The following FGGY variants were observed in gnomAD, a reference collection of about 807,000 sequenced individuals.
FGGY encodes the protein FGGY carbohydrate kinase domain containing, also known as FGGY carbohydrate kinase domain-containing protein.
Under a neutral mutation model 71.3 loss-of-function variants are expected in FGGY, and 72 were observed. That is an observed-to-expected ratio of 1.01 (90% CI 0.84 to 1.23). FGGY has a LOEUF of 1.23. FGGY is among the 50% of genes most tolerant of loss of function. The pLI is 0.00. For missense variants in FGGY, 668 were observed against 682.3 expected (o/e 0.98, Z 0.23); for synonymous variants, 251 against 250.3 (o/e 1.00, Z -0.02).
intron 7 of FGGY, among the ~76,000 whole-genome samples, chr1:59,545,630 A>G (rs1456325485): frequency 6.6e-6 from 1 of 152,078 alleles, no homozygotes; most frequent in African/African-American, 2.4e-5. Context: ...ATATTAGCCT[A>G]CCTTTGAGAT....
intron 5 of FGGY, among the ~76,000 whole-genome samples, chr1:59,455,980 G>A (rs768931634): frequency 8.5e-5 from 13 of 152,326 alleles, no homozygotes; most frequent in South Asian, 2.1e-4. Context: ...AGCATCTAGC[G>A]TTCAAGTCTT....
At chr1:59,694,946 G>T (rs1306740966) in intron 14 of FGGY, among the ~76,000 whole-genome samples, 1 of 152,146 alleles carries the variant, frequency 6.6e-6, no homozygotes, top group African/African-American at 2.4e-5. Context: ...CTTGATCGAA[G>T]AATTAGTTTT....
At chr1:59,388,170 A>T (rs2060293008) in intron 5 of FGGY, among the ~76,000 whole-genome samples, 2 of 152,022 alleles carry the variant, frequency 1.3e-5, no homozygotes, top group Non-Finnish European at 2.9e-5. Flanking sequence ...GGAAGACCCG[A>T]TTTGCCAACC....
chr1:59,303,240 G>T (rs2043029123), intron 1 of FGGY, among the ~76,000 whole-genome samples: 1 of 152,152 alleles, frequency 6.6e-6, no homozygotes, highest in Admixed American at 6.5e-5. Flanking sequence ...ATAACTGAAA[G>T]TTTGTATTCT....
At chr1:59,374,286 A>G (rs2058257589) in intron 4 of FGGY, among the ~76,000 whole-genome samples, 1 of 152,274 alleles carries the variant, frequency 6.6e-6, no homozygotes, top group Non-Finnish European at 1.5e-5. Flanking sequence ...TTATGCAGCC[A>G]GAAACCACAT....
chr1:59,574,813 A>G (rs1162915267), intron 8 of FGGY, among the ~76,000 whole-genome samples: 1 of 152,164 alleles, frequency 6.6e-6, no homozygotes, highest in Non-Finnish European at 1.5e-5. Context: ...AATATGAATG[A>G]ATAATACCTG....
At chr1:59,750,021 A>G (rs2098232150) in intron 14 of FGGY, among the ~76,000 whole-genome samples, 1 of 152,224 alleles carries the variant, frequency 6.6e-6, no homozygotes, top group Non-Finnish European at 1.5e-5. Flanking sequence ...GTTAGGCAGT[A>G]GTGGTCAGAG....
intron 8 of FGGY, among the ~76,000 whole-genome samples, chr1:59,588,332 A>G (rs190223933): frequency 2.0e-4 from 30 of 152,140 alleles, no homozygotes; most frequent in African/African-American, 6.3e-4. Context: ...TGTACCTGAA[A>G]GTGACGGAGA....
chr1:59,691,681 T>C (rs2097589482), intron 14 of FGGY, among the ~76,000 whole-genome samples: 1 of 151,054 alleles, frequency 6.6e-6, no homozygotes. Flanking sequence ...AAAGGGAAAG[T>C]CTGATTACTT....
At chr1:59,392,051 A>G (rs893583226) in intron 5 of FGGY, among the ~76,000 whole-genome samples, 1 of 152,112 alleles carries the variant, frequency 6.6e-6, no homozygotes, top group African/African-American at 2.4e-5. Flanking sequence ...TTAAATTTTA[A>G]GGGGTACATT....
At chr1:59,482,055 A>G (rs1558077696) in intron 6 of FGGY, among the ~76,000 whole-genome samples, 1 of 152,194 alleles carries the variant, frequency 6.6e-6, no homozygotes, top group Non-Finnish European at 1.5e-5. Flanking sequence ...CAACCCAGCT[A>G]TGCAAGTACA....
At chr1:59,567,790 T>A (rs570302306) in intron 8 of FGGY, among the ~76,000 whole-genome samples, 1 of 151,654 alleles carries the variant, frequency 6.6e-6, no homozygotes, top group East Asian at 1.9e-4. Flanking sequence ...ACAGTCAAAC[T>A]GGTCCTGAAT....
chr1:59,446,738 C>T (rs1204482260), intron 5 of FGGY, among the ~76,000 whole-genome samples: 5 of 152,232 alleles, frequency 3.3e-5, no homozygotes, highest in Non-Finnish European at 2.9e-5. Flanking sequence ...TCCCCACTCT[C>T]AGCTCTAATT....
At position 59,472,920 on chromosome 1, in the gene FGGY, A is replaced by G. The variant is rs147471303; in HGVS notation, c.670+15844A>G. ...ACCAATCAACACTCTGTATCTAGCT[A>G]CTCTGGTGGGGACTTGGAGAACCTT... On this transcript the variant is annotated intron_variant, in intron 6 of 15. Coordinates refer to ENST00000303721, the MANE Select transcript of FGGY (RefSeq NM_018291.5). Among the ~76,000 whole-genome samples the G allele has an allele frequency of 4.2e-4, 64 of 152,218 alleles. 1 individual carries two copies. Among genetic ancestry groups the G allele is most frequent in the African/African-American group, 1.5e-3 (63 of 41,540 alleles).
intron 5 of FGGY, among the ~76,000 whole-genome samples, chr1:59,393,930 A>G (rs552775973): frequency 6.6e-6 from 1 of 152,304 alleles, no homozygotes; most frequent in African/African-American, 2.4e-5. Context: ...TTCATATTAC[A>G]ATCACTTCTT....
intron 11 of FGGY, among the ~76,000 whole-genome samples, chr1:59,645,671 T>A (rs1572562941): frequency 1.3e-5 from 2 of 152,334 alleles, no homozygotes; most frequent in African/African-American, 2.4e-5. Context: ...CACAAAAAAT[T>A]GGCGTGGCCT....
chr1:59,464,020 A>G (rs1028332867), intron 6 of FGGY, among the ~76,000 whole-genome samples: 4 of 152,228 alleles, frequency 2.6e-5, no homozygotes, highest in African/African-American at 7.2e-5. Context: ...CAGACCTAAT[A>G]GACATCTACA....
In FGGY at chr1:59,339,964, G is replaced by C; in HGVS notation, c.208G>C (p.Val70Leu). 2 of 1,606,310 alleles carry C rather than the reference G, an allele frequency of 1.2e-6. No individual in the cohort carries two copies. The highest frequency in any genetic ancestry group is 1.7e-6 in the Non-Finnish European group (2 of 1,174,002). Residue 70 changes from valine (V) to leucine (L), a missense_variant, in exon 3 of 16, where the codon GTA becomes CTA. Around this residue, in one of 2 missense-constraint regions of FGGY, gnomAD observed 661 missense variants for 661.6 expected, o/e 1.00. Coordinates refer to ENST00000303721, the MANE Select transcript of FGGY (RefSeq NM_018291.5). ...AACCVVTKKV[V>L]QGIDLNQIRG... The stretch of plus-strand genomic sequence containing the variant: ...TTATTTGTTTTTAAAACAGAAAGTT[G>C]TACAAGGGATTGATTTAAACCAAAT...
chr1:59,612,958 A>C (rs1007200739), intron 9 of FGGY, among the ~76,000 whole-genome samples: 5 of 152,238 alleles, frequency 3.3e-5, no homozygotes, highest in African/African-American at 1.2e-4. Flanking sequence ...CATCCTAAAT[A>C]TATATGTACC....
Sources: gnomAD v4.1 joint callset for allele counts (sites outside exome capture counted in the v4.1 genomes callset) on GRCh38, gnomAD v4.1.1 for gene constraint, gnomAD v4.1.1 regional missense constraint, MANE v1.5 for transcripts, NCBI Gene and HGNC (gene_info 2026-07-23, HGNC 2026-07-21) for gene names.